LINGO3: variants seen among roughly 807,000 people sequenced by gnomAD.
LINGO3 encodes the protein leucine-rich repeat and immunoglobulin-like domain-containing nogo receptor-interacting protein 3.
For missense variants in LINGO3, 750 were observed against 867.7 expected (o/e 0.86, Z 1.70); for synonymous variants, 427 against 444.2 (o/e 0.96, Z 0.49).
chr19:2,306,447 G>C, the LINGO3 span, among the ~76,000 whole-genome samples: 2 of 152,188 alleles, frequency 1.3e-5, no homozygotes, highest in Admixed American at 1.3e-4. Flanking sequence ...GGGGGCGCCG[G>C]GGAATGACAG....
chr19:2,292,865 G>A (rs1051512742), upstream of LINGO3, among the ~76,000 whole-genome samples: 1 of 152,104 alleles, frequency 6.6e-6, no homozygotes, highest in African/African-American at 2.4e-5. Context: ...AGCCGCATCT[G>A]TAACAGCCAA....
chr19:2,307,063 G>T, the LINGO3 span, among the ~76,000 whole-genome samples: 7 of 152,092 alleles, frequency 4.6e-5, no homozygotes, highest in African/African-American at 1.4e-4. Context: ...CTCCTGGGTT[G>T]CTCTGGTTCT....
chr19:2,294,366 C>T (rs994523101), upstream of LINGO3, among the ~76,000 whole-genome samples: 2 of 152,024 alleles, frequency 1.3e-5, no homozygotes, highest in African/African-American at 2.4e-5. This position sits in a 1 kb window ranked among gnomAD's most constrained non-coding sequence, Gnocchi z 4.3. Context: ...TTCCAGAGGG[C>T]CCCCGGCCCT....
At chr19:2,291,887 C>T (rs2025528750) in exon 1 of LINGO3, 3 of 919,014 alleles carry the variant, frequency 3.3e-6, no homozygotes, top group Admixed American at 4.2e-5. Flanking sequence ...GCCTCTGCCG[C>T]CAGCCCGCCC....
At chr19:2,301,791 G>C in the LINGO3 span, among the ~76,000 whole-genome samples, 1 of 151,754 alleles carries the variant, frequency 6.6e-6, no homozygotes, top group South Asian at 2.1e-4. Context: ...AGCCGGGCAT[G>C]GTGGCGGGCA....
downstream of LINGO3, among the ~76,000 whole-genome samples, chr19:2,288,680 C>A (rs1599162558): frequency 1.3e-5 from 2 of 152,090 alleles, no homozygotes; most frequent in South Asian, 4.1e-4. The surrounding 1 kb of genome is among the most constrained non-coding windows in gnomAD (Gnocchi z 6.5). Context: ...GTGGGGAGGA[C>A]GGAGGACAGG....
chr19:2,305,652 C>T, the LINGO3 span, among the ~76,000 whole-genome samples: 57,718 of 152,042 alleles, frequency 0.38, 12,331 homozygotes, highest in African/African-American at 0.59. Flanking sequence ...TCCTAGAGGC[C>T]GGCCAAACCC....
At chr19:2,303,901 C>T in the LINGO3 span, among the ~76,000 whole-genome samples, 1 of 152,230 alleles carries the variant, frequency 6.6e-6, no homozygotes, top group Non-Finnish European at 1.5e-5. Flanking sequence ...TCACCTGAAT[C>T]GGCCACTGAC....
In LINGO3 at chr19:2,290,509, T is replaced by A; in HGVS notation, c.1268A>T (p.Glu423Val). 2 of 1,504,656 alleles carry A rather than the reference T, an allele frequency of 1.3e-6. No individual in the cohort carries two copies. Among genetic ancestry groups the A allele is most frequent in the Middle Eastern group, 3.4e-4 (2 of 5,882 alleles). The allele number at this position is 1,504,656 out of a possible 1,614,324, so 93.2% of individuals were successfully genotyped here. A position where few individuals can be genotyped will look rare whatever the true frequency, so the allele number is the denominator to read the frequency against. Residue 423 changes from glutamate to valine, a missense_variant, in exon 1 of 1, where the codon GAA (glutamate) becomes GTA (valine). Glu to Val is a moderately radical substitution (Grantham distance 121). Coordinates refer to ENST00000585527, the Ensembl canonical transcript of LINGO3. The surrounding 1 kb of genome is among the most constrained non-coding windows in gnomAD (Gnocchi z 6.0). ...GGCGCGGCAGAGGAAGCGGACGTCT[T>A]CGCCCGCGGTGGCCGTGACGCGCTG...
chr19:2,290,063 C>T lies in LINGO3; in HGVS notation c.1714G>A (p.Val572Met), dbSNP rs1489849982. ...CCCGCCGCGGCGGCCGGCCCATCCA[C>T]CTTGCGGAAGGAGTACTCCACCGAG... Residue 572 changes from valine to methionine, a missense_variant, in exon 1 of 1, where the codon GTG (valine) becomes ATG (methionine). Physicochemically the swap from Val to Met is conservative, Grantham distance 21. Transcript: ENST00000585527. This position sits in a 1 kb window ranked among gnomAD's most constrained non-coding sequence, Gnocchi z 6.0. The T allele has an allele frequency of 6.4e-7, 1 of 1,562,256 alleles. No homozygotes were observed.
the LINGO3 span, among the ~76,000 whole-genome samples, chr19:2,306,980 C>T: frequency 6.6e-6 from 1 of 152,142 alleles, no homozygotes; most frequent in African/African-American, 2.4e-5. Context: ...AACCTGTTTC[C>T]AGCCTGCGTC....
At chr19:2,301,586 C>A in the LINGO3 span, among the ~76,000 whole-genome samples, 4 of 152,094 alleles carry the variant, frequency 2.6e-5, no homozygotes, top group Admixed American at 2.6e-4. Flanking sequence ...GACCCAGAGA[C>A]GGACGGCGAC....
downstream of LINGO3, among the ~76,000 whole-genome samples, chr19:2,289,297 GTGTCCCGGGTGTGAGTTGCGCC>G (rs1293724465): frequency 6.6e-6 from 1 of 150,806 alleles, no homozygotes; most frequent in Admixed American, 6.6e-5. Flanking sequence ...TGTGAGCTGT[GTGTCCCGGGTGTGAGTTGCGCC>G]TGTCCCGGGT....
At position 2,290,620 on chromosome 19, in the gene LINGO3, C is replaced by T; in HGVS notation, c.1157G>A (p.Arg386His). 6.3e-7 allele frequency: 1 copy of T among 1,593,516 alleles called. No individual in the cohort carries two copies. The highest frequency in any genetic ancestry group is 8.5e-7 in the Non-Finnish European group (1 of 1,173,994). ...CGGCAGGTTTCGCAGCGCGTCGCCG[C>T]GCACCTCGGCCGGGGTGGCGCAGGC... The change falls in exon 1 of 1, where the codon CGC becomes CAC. Residue 386 changes from arginine (R) to histidine (H), a missense_variant. Coordinates refer to ENST00000585527, the Ensembl canonical transcript of LINGO3. The surrounding 1 kb of genome is among the most constrained non-coding windows in gnomAD (Gnocchi z 6.0).
chr19:2,290,381 C>G lies in LINGO3; in HGVS notation c.1396G>C (p.Glu466Gln). 1.4e-6 allele frequency: 2 copies of G among 1,478,316 alleles called. No individual in the cohort carries two copies. The highest frequency in any genetic ancestry group is 2.6e-5 in the South Asian group (2 of 76,852). 91.6% of individuals were successfully genotyped at this position (1,478,316 alleles called of 1,614,324 possible). Residue 466 changes from glutamate to glutamine, a missense_variant, in exon 1 of 1, where the codon GAG becomes CAG. Coordinates refer to ENST00000585527, the Ensembl canonical transcript of LINGO3. The surrounding 1 kb of genome is among the most constrained non-coding windows in gnomAD (Gnocchi z 6.0). ...TCCTGCGGCCGCGCGTCCTGGATCTCCAGCGTCCCCCCGGGGAGCACGCGC... is the reference window on the plus strand; with the variant it reads ...TCCTGCGGCCGCGCGTCCTGGATCTGCAGCGTCCCCCCGGGGAGCACGCGC...
chr19:2,289,090 G>C (rs1000064570), downstream of LINGO3, among the ~76,000 whole-genome samples: 1 of 150,926 alleles, frequency 6.6e-6, no homozygotes, highest in Admixed American at 6.6e-5. Context: ...GGTGTGAGCT[G>C]TGTGTTCCAC....
upstream of LINGO3, among the ~76,000 whole-genome samples, chr19:2,292,720 C>A (rs959339016): frequency 2.6e-5 from 4 of 152,054 alleles, no homozygotes; most frequent in Non-Finnish European, 5.9e-5. Flanking sequence ...AAACTCCTGA[C>A]CTCAGGTGAT....
chr19:2,291,367 T>C (rs752808136), exon 1 of LINGO3: 8 of 1,613,374 alleles, frequency 5.0e-6, no homozygotes, highest in Non-Finnish European at 2.5e-6. Context: ...GATTACCAGC[T>C]TGTTCTCGCT....
the LINGO3 span, among the ~76,000 whole-genome samples, chr19:2,299,221 C>T: frequency 1.3e-5 from 2 of 152,176 alleles, no homozygotes; most frequent in African/African-American, 2.4e-5. Flanking sequence ...AGGGTGCTGC[C>T]GGGGAGGCAG....
Sources: allele counts gnomAD v4.1 joint callset (sites outside exome capture counted in the v4.1 genomes callset), GRCh38; gene constraint gnomAD v4.1.1; non-coding constraint Gnocchi (gnomAD v3.1); transcripts MANE v1.5; gene names NCBI Gene and HGNC (gene_info 2026-07-23, HGNC 2026-07-21).